DNER: variants seen among roughly 807,000 people sequenced by gnomAD.
The protein encoded by DNER is delta/notch like EGF repeat containing, also known as delta and Notch-like epidermal growth factor-related receptor.
In DNER, 33 loss-of-function variants were observed where a neutral mutation model predicts 78.2. That is an observed-to-expected ratio of 0.42 (90% confidence interval 0.32 to 0.56). The LOEUF is 0.56. Ranked by LOEUF, DNER falls within the 20% of genes least tolerant of loss-of-function variation. The pLI is 0.11. For synonymous variants in DNER, 417 were observed against 384.8 expected (o/e 1.08, Z -0.98); for missense variants, 918 against 975.3 (o/e 0.94, Z 0.78).
intron 8 of DNER, among the ~76,000 whole-genome samples, chr2:229,444,615 A>G (rs957632976): frequency 2.6e-5 from 4 of 152,202 alleles, no homozygotes; most frequent in Non-Finnish European, 5.9e-5. Flanking sequence ...TGGGTCAGGC[A>G]TGGTGGCTCA....
intron 10 of DNER, among the ~76,000 whole-genome samples, chr2:229,394,942 C>T (rs1209525540): frequency 1.3e-5 from 2 of 152,166 alleles, no homozygotes; most frequent in Non-Finnish European, 2.9e-5. Context: ...TCTTGCCACC[C>T]TCGATGCCAC....
intron 1 of DNER, among the ~76,000 whole-genome samples, chr2:229,593,316 A>T (rs115198814): frequency 0.01 from 1,592 of 152,188 alleles, 31 homozygotes; most frequent in African/African-American, 0.036. Flanking sequence ...GACTATACCA[A>T]GTTGATTCCC....
At chr2:229,568,173 G>A (rs1307404428) in intron 4 of DNER, among the ~76,000 whole-genome samples, 1 of 152,086 alleles carries the variant, frequency 6.6e-6, no homozygotes, top group East Asian at 1.9e-4. Flanking sequence ...TGGTTTTTAA[G>A]CCGTGTTCCA....
intron 5 of DNER, among the ~76,000 whole-genome samples, chr2:229,517,816 G>A (rs1020419399): frequency 8.5e-5 from 13 of 152,156 alleles, no homozygotes; most frequent in Non-Finnish European, 1.8e-4. Context: ...CAACGAACAC[G>A]GCAGGTCCCA....
intron 6 of DNER, among the ~76,000 whole-genome samples, chr2:229,504,702 T>C (rs186765426): frequency 2.0e-5 from 3 of 152,342 alleles, no homozygotes; most frequent in Admixed American, 1.3e-4. Flanking sequence ...TCTTAAACCA[T>C]GCATTTGTGA....
At chr2:229,515,248 T>A (rs2154212379) in intron 5 of DNER, among the ~76,000 whole-genome samples, 1 of 152,328 alleles carries the variant, frequency 6.6e-6, no homozygotes, top group South Asian at 2.1e-4. Context: ...AAACTCCTTT[T>A]TTTAGAACTG....
chr2:229,614,100 C>G (rs1437248002), intron 1 of DNER, among the ~76,000 whole-genome samples: 1 of 151,532 alleles, frequency 6.6e-6, no homozygotes, highest in Admixed American at 6.6e-5. Context: ...ATGGGTGCAG[C>G]ACACCAACAT....
At chr2:229,658,242 T>C (rs1574946484) in intron 1 of DNER, among the ~76,000 whole-genome samples, 2 of 152,236 alleles carry the variant, frequency 1.3e-5, no homozygotes, top group Admixed American at 6.5e-5. Context: ...CCTTAACATA[T>C]GCAAATTTTA....
At chr2:229,620,555 G>A (rs1698236725) in intron 1 of DNER, among the ~76,000 whole-genome samples, 1 of 152,228 alleles carries the variant, frequency 6.6e-6, no homozygotes, top group Non-Finnish European at 1.5e-5. Context: ...GCCCTCTGCG[G>A]TTTGGGGTGC....
At chr2:229,529,666 C>T (rs1171079501) in intron 5 of DNER, among the ~76,000 whole-genome samples, 1 of 151,534 alleles carries the variant, frequency 6.6e-6, no homozygotes. Context: ...CAGAGAATTA[C>T]AAGAAAAAAA....
At chr2:229,505,168 T>A (rs1695709707) in intron 6 of DNER, among the ~76,000 whole-genome samples, 1 of 84,334 alleles carries the variant, frequency 1.2e-5, no homozygotes, top group South Asian at 4.6e-4. Flanking sequence ...GAGGATTATG[T>A]GTTGCTGCAG....
At chr2:229,606,159 C>G (rs1006739) in intron 1 of DNER, 48,929 of 152,110 alleles carry the variant, frequency 0.32, 8,086 homozygotes, top group Admixed American at 0.37. Flanking sequence ...CACATGATGA[C>G]ACTGCATTGA....
intron 1 of DNER, among the ~76,000 whole-genome samples, chr2:229,628,862 T>C (rs1407581419): frequency 6.6e-6 from 1 of 152,226 alleles, no homozygotes; most frequent in African/African-American, 2.4e-5. Flanking sequence ...TAGCCTCTTC[T>C]TTGTCTCAGG....
rs565666989 is a variant in DNER, at chr2:229,606,574, A to C, written c.277-14686T>G. ...TTAACAACATCTCCTTCATGTGGACATCCTAAACCAAAAATTAACATAAAA... is the reference window on the plus strand; with the variant it reads ...TTAACAACATCTCCTTCATGTGGACCTCCTAAACCAAAAATTAACATAAAA... On this transcript the variant is annotated intron_variant, in intron 1 of 12. Coordinates refer to ENST00000341772, the MANE Select transcript of DNER (RefSeq NM_139072.4). 3.9e-4 allele frequency among the ~76,000 whole-genome samples: 60 copies of C among 152,280 alleles called. No individual in the cohort carries two copies. The Middle Eastern group carries it at 0.014, about 35-fold the overall frequency.
intron 9 of DNER, 139 bp downstream of exon 9, chr2:229,417,969 G>T: frequency 7.2e-7 from 1 of 1,395,340 alleles, no homozygotes; most frequent in South Asian, 1.4e-5. Context: ...TCCTTGGACC[G>T]ATTAATCATG....
rs573242541 is a variant in DNER, at chr2:229,425,684, G to A, written c.1487-7454C>T. ...AGGAGTACTTTCCCTCTCCCCGCCC[G>A]TCCCTCATCACACTCAAAAATATCC... is the stretch of plus-strand genomic sequence containing the variant. On this transcript the variant is annotated intron_variant, in intron 8 of 12. Coordinates refer to ENST00000341772, the MANE Select transcript of DNER (RefSeq NM_139072.4). 3.2e-4 allele frequency among the ~76,000 whole-genome samples: 49 copies of A among 152,220 alleles called. 1 individual carries two copies. In the South Asian group the frequency reaches 8.1e-3, roughly 25 times the overall value.
intron 1 of DNER, among the ~76,000 whole-genome samples, chr2:229,603,854 T>C (rs547015985): frequency 2.0e-5 from 3 of 152,088 alleles, no homozygotes; most frequent in African/African-American, 7.3e-5. Flanking sequence ...ATATCTGACA[T>C]ACTCTTTGTT....
chr2:229,474,330 G>A (rs1306512995), intron 7 of DNER, among the ~76,000 whole-genome samples: 1 of 152,244 alleles, frequency 6.6e-6, no homozygotes, highest in East Asian at 1.9e-4. Context: ...CACCAGGTAT[G>A]AGCTCCTGCT....
At chr2:229,685,967 A>G (rs895251573) in intron 1 of DNER, among the ~76,000 whole-genome samples, 1 of 152,084 alleles carries the variant, frequency 6.6e-6, no homozygotes, top group African/African-American at 2.4e-5. Context: ...ATGCATGGGT[A>G]GAGCTGAAAG....
Sources: gnomAD v4.1 joint callset for allele counts (sites outside exome capture counted in the v4.1 genomes callset) on GRCh38, gnomAD v4.1.1 for gene constraint, MANE v1.5 for transcripts, NCBI Gene and HGNC (gene_info 2026-07-23, HGNC 2026-07-21) for gene names.